The following SBF2 variants were observed in gnomAD, a reference collection of about 807,000 sequenced individuals.
SBF2 encodes the protein SET binding factor 2, also known as myotubularin-related protein 13.
In SBF2, 112 loss-of-function variants were observed where a neutral mutation model predicts 225.2. The observed-to-expected ratio is 0.50, with a 90% CI of 0.43 to 0.58. The LOEUF (loss-of-function observed/expected upper bound fraction) is 0.58, where lower values mean the gene tolerates loss of function less well. Ranked by LOEUF, SBF2 falls within the 20% of genes least tolerant of loss-of-function variation. The pLI is 0.00. For missense variants in SBF2, 1,996 were observed against 2,206.2 expected (o/e 0.90, Z 1.91); for synonymous variants, 763 against 773.3 (o/e 0.99, Z 0.22).
intron 6 of SBF2, among the ~76,000 whole-genome samples, chr11:10,022,318 A>ACTGC (rs1948891231): frequency 6.6e-6 from 1 of 152,164 alleles, no homozygotes; most frequent in African/African-American, 2.4e-5. Context: ...TCAGCCCTGG[A>ACTGC]CTGCCTACCT....
intron 2 of SBF2, among the ~76,000 whole-genome samples, chr11:10,072,203 A>T (rs1302136898): frequency 6.6e-6 from 1 of 152,220 alleles, no homozygotes; most frequent in East Asian, 1.9e-4. Context: ...CTTTTAACCA[A>T]AATATCTTTT....
chr11:10,189,699 T>A (rs934771904), intron 2 of SBF2, among the ~76,000 whole-genome samples: 1 of 152,172 alleles, frequency 6.6e-6, no homozygotes, highest in African/African-American at 2.4e-5. Context: ...CTTCTCTTTT[T>A]CAAGCCACAA....
chr11:9,929,131 C>T, intron 16 of SBF2: 1 of 272,592 alleles, frequency 3.7e-6, no homozygotes, highest in Non-Finnish European at 7.1e-6. Flanking sequence ...ATCATCAAAG[C>T]TCATCCTTTT....
At chr11:9,976,327 C>A (rs2134415426) in intron 13 of SBF2, among the ~76,000 whole-genome samples, 1 of 152,250 alleles carries the variant, frequency 6.6e-6, no homozygotes, top group South Asian at 2.1e-4. Flanking sequence ...CCGCCTCGGT[C>A]TTCCAAAGTG....
chr11:9,925,925 C>T (rs1864002101), intron 16 of SBF2, among the ~76,000 whole-genome samples: 1 of 151,836 alleles, frequency 6.6e-6, no homozygotes. Context: ...AAATGTCAGT[C>T]TCCCCAGGCT....
At position 10,024,025 on chromosome 11, in the gene SBF2, C is replaced by T. The variant is rs143738517; in HGVS notation, c.619+4427G>A. On this transcript the variant is annotated intron_variant, in intron 6 of 39. Coordinates refer to ENST00000256190, the MANE Select transcript of SBF2 (RefSeq NM_030962.4). ...CATGAAACAACCAGTGACCTGTTTC[C>T]ATCACCATAGATTAGACCACATTTT... 2.0e-5 allele frequency among the ~76,000 whole-genome samples: 3 copies of T among 152,232 alleles called. No homozygotes were observed. In the East Asian group the frequency reaches 5.8e-4, roughly 29 times the overall value.
chr11:9,783,705 TAGTC>T (rs1430752567), intron 38 of SBF2, among the ~76,000 whole-genome samples: 2 of 152,224 alleles, frequency 1.3e-5, no homozygotes, highest in Admixed American at 1.3e-4. Context: ...TTTCTTGACA[TAGTC>T]AGCAAGGACC....
intron 33 of SBF2, among the ~76,000 whole-genome samples, chr11:9,793,661 G>C (rs11042497): frequency 0.31 from 47,065 of 151,864 alleles, 9,052 homozygotes; most frequent in Non-Finnish European, 0.43. Flanking sequence ...AAAGTGCTGG[G>C]ATTACAGGCG....
At chr11:10,075,444 G>C (rs1951061073) in intron 2 of SBF2, among the ~76,000 whole-genome samples, 1 of 152,176 alleles carries the variant, frequency 6.6e-6, no homozygotes, top group African/African-American at 2.4e-5. Context: ...GTTTGGTTCT[G>C]TGTCCCCACC....
chr11:9,989,461 A>C, intron 13 of SBF2, 36 bp downstream of exon 13: 2 of 1,291,544 alleles, frequency 1.5e-6, no homozygotes, highest in Non-Finnish European at 2.2e-6. Flanking sequence ...TAAATAAATA[A>C]AATTAATGAC....
At chr11:10,230,539 G>A (rs1958796993) in intron 1 of SBF2, among the ~76,000 whole-genome samples, 1 of 152,168 alleles carries the variant, frequency 6.6e-6, no homozygotes, top group African/African-American at 2.4e-5. Flanking sequence ...TTGCTTGTCT[G>A]TAAAGGATTT....
chr11:9,790,560 A>C lies in SBF2; in HGVS notation c.4694T>G (p.Ile1565Arg). ...FFNYLYSPLEIEALKPNVNVS... is the reference protein window; with the variant it reads ...FFNYLYSPLEREALKPNVNVS... Reference sequence around the variant, plus strand: ...ATAAATGATTTCTTACTCTACCTCTATTTCCAATGGTGAATATAAATAATT... The same window carrying C: ...ATAAATGATTTCTTACTCTACCTCTCTTTCCAATGGTGAATATAAATAATT... The change falls in exon 34 of 40, where the codon ATA becomes AGA. Residue 1565 changes from isoleucine to arginine, a missense_variant. Transcript: ENST00000256190. The C allele has an allele frequency of 6.3e-7, 1 of 1,584,258 alleles. No individual in the cohort carries two copies. Among genetic ancestry groups the C allele is most frequent in the South Asian group, 1.1e-5 (1 of 88,016 alleles).
intron 2 of SBF2, among the ~76,000 whole-genome samples, chr11:10,177,605 G>A (rs1252700696): frequency 6.7e-6 from 1 of 149,970 alleles, no homozygotes; most frequent in Non-Finnish European, 1.5e-5. Flanking sequence ...GCTTCAAAGA[G>A]AATAAAATAC....
Position 9,915,506 on chromosome 11 carries a change from A to C in SBF2, c.1861-19495T>G, listed in dbSNP as rs1863009645. The C allele has an allele frequency of 5.3e-5, 8 of 152,002 alleles. No homozygotes were observed. In the South Asian group the frequency reaches 1.7e-3, roughly 32 times the overall value. The allele number at this position is 152,002 out of a possible 1,614,324, so 9.4% of individuals were successfully genotyped here. On this transcript the variant is annotated intron_variant, in intron 16 of 39. Coordinates refer to ENST00000256190, the MANE Select transcript of SBF2 (RefSeq NM_030962.4). ...AACTGCTTCCTCTAACTTTAAAACA[A>C]GGAAAAGATGGACTTACCCATGAAG...
At chr11:10,254,961 C>CAAAAAAAAAA (rs1960743294) in intron 1 of SBF2, among the ~76,000 whole-genome samples, 2 of 111,704 alleles carry the variant, frequency 1.8e-5, no homozygotes, top group African/African-American at 3.5e-5. Flanking sequence ...TCAAAAACAT[C>CAAAAAAAAAA]AATGAACCTG....
At chr11:10,292,727 G>A (rs987234160) in intron 1 of SBF2, among the ~76,000 whole-genome samples, 3 of 150,700 alleles carry the variant, frequency 2.0e-5, no homozygotes, top group Non-Finnish European at 4.4e-5. Context: ...GGGGGGAGGC[G>A]GAACAATGTC....
chr11:10,014,753 T>C (rs956593247), intron 6 of SBF2, among the ~76,000 whole-genome samples: 2 of 152,142 alleles, frequency 1.3e-5, no homozygotes, highest in Non-Finnish European at 2.9e-5. Context: ...TTTTAATATA[T>C]GTAAGACACA....
chr11:9,992,987 T>C lies in SBF2; in HGVS notation c.1167+3A>G. ...ACAGATACAATATAGTACTCTATCT[T>C]ACCTTGTGGAAATGTATTACTGGCT... is the stretch of plus-strand genomic sequence containing the variant. On this transcript the variant is annotated splice_donor_region_variant and intron_variant, in intron 11 of 39. Coordinates refer to ENST00000256190, the MANE Select transcript of SBF2 (RefSeq NM_030962.4). The C allele has an allele frequency of 1.3e-6, 2 of 1,586,470 alleles. No homozygotes were observed. Among genetic ancestry groups the C allele is most frequent in the Non-Finnish European group, 8.6e-7 (1 of 1,156,752 alleles).
intron 17 of SBF2, among the ~76,000 whole-genome samples, chr11:9,876,696 C>G (rs543652092): frequency 7.9e-4 from 120 of 152,276 alleles, no homozygotes; most frequent in South Asian, 1.2e-3. Flanking sequence ...TGTGGTATTT[C>G]GATATGGCAG....
Sources: allele counts gnomAD v4.1 joint callset (sites outside exome capture counted in the v4.1 genomes callset), GRCh38; gene constraint gnomAD v4.1.1; transcripts MANE v1.5; gene names NCBI Gene and HGNC (gene_info 2026-07-23, HGNC 2026-07-21).